The following DIAPH3 variants were observed in gnomAD, a reference collection of about 807,000 sequenced individuals.
DIAPH3 encodes the protein protein diaphanous homolog 3.
A neutral mutation model predicts 144.3 loss-of-function variants in DIAPH3; 117 were observed. That is an observed-to-expected ratio of 0.81 (90% CI 0.70 to 0.95). The LOEUF is 0.95. Among genes scored for constraint, DIAPH3 ranks in the 40% least tolerant of loss-of-function variants. DIAPH3 has a pLI of 0.00. For synonymous variants in DIAPH3, 519 were observed against 488.9 expected (o/e 1.06, Z -0.81); for missense variants, 1,421 against 1,412.7 (o/e 1.01, Z -0.09).
chr13:59,982,072 T>A (rs2051053063), intron 13 of DIAPH3, among the ~76,000 whole-genome samples: 1 of 151,432 alleles, frequency 6.6e-6, no homozygotes, highest in Non-Finnish European at 1.5e-5. Context: ...TTTTCTCCCC[T>A]ATTGCCCACC....
At chr13:60,031,201 A>T (rs535577206) in intron 5 of DIAPH3, among the ~76,000 whole-genome samples, 1 of 152,124 alleles carries the variant, frequency 6.6e-6, no homozygotes, top group Non-Finnish European at 1.5e-5. Context: ...TCACATGGCC[A>T]GAGCCAGAGT....
At chr13:60,004,599 C>T (rs1049870716) in intron 9 of DIAPH3, among the ~76,000 whole-genome samples, 3 of 152,036 alleles carry the variant, frequency 2.0e-5, no homozygotes, top group Non-Finnish European at 4.4e-5. Flanking sequence ...GAATGTAAAA[C>T]AATTCTTTCC....
Position 59,992,846 on chromosome 13 carries a change from G to GA in DIAPH3, c.1015-264dup, listed in dbSNP as rs200815478. On this transcript the variant is annotated intron_variant, in intron 9 of 27. Coordinates refer to ENST00000400324, the MANE Select transcript of DIAPH3 (RefSeq NM_001042517.2). ...GTTACTACTGCTCCATAAAAAAATA[G>GA]AAAAAAAAAAAAAAAAACACTTGTA... is the stretch of plus-strand genomic sequence containing the variant. 0.062 allele frequency among the ~76,000 whole-genome samples: 4,355 copies of GA among 70,016 alleles called. 170 individuals are homozygous for GA. Among genetic ancestry groups the GA allele is most frequent in the African/African-American group, 0.17 (3,529 of 21,138 alleles). 45.9% of individuals were successfully genotyped at this position (70,016 alleles called of 152,430 possible). A position where few individuals can be genotyped will look rare whatever the true frequency, so the allele number is the denominator to read the frequency against.
At chr13:59,944,213 C>CA (rs148198800) in intron 17 of DIAPH3, among the ~76,000 whole-genome samples, 4,314 of 142,608 alleles carry the variant, frequency 0.03, 90 homozygotes, top group South Asian at 0.063. Flanking sequence ...GACACTGTCT[C>CA]AAAAAAAAAA....
rs1407815357 is a variant in DIAPH3 at position 59,700,327 on chromosome 13, G to A, written c.3320-33481C>T. 2.0e-5 allele frequency among the ~76,000 whole-genome samples: 3 copies of A among 152,202 alleles called. No homozygotes were observed. The East Asian group carries it at 5.8e-4, about 29-fold the overall frequency. ...TTCTCTGGTGGGGACTTCCTGTTTGGAGGACTCTGGAATAGAGGGATGAAT... is the reference window on the plus strand; with the variant it reads ...TTCTCTGGTGGGGACTTCCTGTTTGAAGGACTCTGGAATAGAGGGATGAAT... On this transcript the variant is annotated intron_variant, in intron 27 of 27. Coordinates refer to ENST00000400324, the MANE Select transcript of DIAPH3 (RefSeq NM_001042517.2).
intron 4 of DIAPH3, among the ~76,000 whole-genome samples, chr13:60,066,950 G>A (rs894687783): frequency 6.6e-6 from 1 of 152,160 alleles, no homozygotes; most frequent in Non-Finnish European, 1.5e-5. Context: ...GTTTATGGAA[G>A]TATATAATTG....
In DIAPH3 at chr13:59,969,970, T is replaced by G; in HGVS notation, c.2048A>C (p.Glu683Ala). The change falls in exon 17 of 28, where the codon GAG (glutamate) becomes GCG (alanine). Residue 683 changes from glutamate (E) to alanine (A), a missense_variant. Glu to Ala is a moderately radical substitution (Grantham distance 107, BLOSUM62 -1). Transcript: ENST00000400324. ...TTTTTGTTGGCAACAAAATGTATTC[T>G]CAAGTTTACAAAGCAAATCCACGTT... Reference protein sequence around the residue: ...YENVDLLCKLENTFCCQQKER... With the variant: ...YENVDLLCKLANTFCCQQKER... The G allele has an allele frequency of 6.2e-7, 1 of 1,607,374 alleles. No homozygotes were observed. The highest frequency in any genetic ancestry group is 8.5e-7 in the Non-Finnish European group (1 of 1,176,030).
At chr13:59,907,534 A>G (rs78414085) in intron 20 of DIAPH3, among the ~76,000 whole-genome samples, 2,129 of 152,342 alleles carry the variant, frequency 0.014, 66 homozygotes, top group East Asian at 0.1. Context: ...CAATAATATA[A>G]TTAAGCTCTA....
chr13:59,738,868 A>T (rs1241947147), intron 27 of DIAPH3, among the ~76,000 whole-genome samples: 1 of 152,190 alleles, frequency 6.6e-6, no homozygotes, highest in Non-Finnish European at 1.5e-5. Context: ...CTCCTTGTAT[A>T]CTGAGATATT....
At chr13:59,707,271 T>C (rs2034483652) in intron 27 of DIAPH3, among the ~76,000 whole-genome samples, 1 of 152,092 alleles carries the variant, frequency 6.6e-6, no homozygotes, top group South Asian at 2.1e-4. Flanking sequence ...GAAAAGCAAT[T>C]AGAATATGGA....
intron 27 of DIAPH3, among the ~76,000 whole-genome samples, chr13:59,759,405 AAAC>A (rs1005326410): frequency 1.3e-5 from 2 of 152,218 alleles, no homozygotes; most frequent in African/African-American, 4.8e-5. Flanking sequence ...CTGGTTATTA[AAAC>A]AATATGCAGA....
rs368826517 is a variant in DIAPH3, at chr13:59,983,838, G to C, written c.1411C>G (p.His471Asp). 4.3e-6 allele frequency: 7 copies of C among 1,609,952 alleles called. No individual in the cohort carries two copies. The African/African-American group carries it at 9.4e-5, about 22-fold the overall frequency. The change falls in exon 13 of 28, where the codon CAT (histidine) becomes GAT (aspartate). Residue 471 changes from histidine to aspartate, a missense_variant. Physicochemically the swap from His to Asp is moderately conservative, Grantham distance 81. Coordinates refer to ENST00000400324, the MANE Select transcript of DIAPH3 (RefSeq NM_001042517.2). ...AAGTCTGGATCCATTCCATCTCTAT[G>C]CAATACAATCTGGGATACACACTCA... ...IDECVSQIVLHRDGMDPDFTY... is the reference protein window; with the variant it reads ...IDECVSQIVLDRDGMDPDFTY...
rs1436413371 is a variant in DIAPH3 at position 60,162,844 on chromosome 13, C to CAG, written c.180+741_180+742dup. The stretch of plus-strand genomic sequence containing the variant: ...ACACACACACACACACACACACACA[C>CAG]AGTTTTTCCATATTCCTAAGGAAAA... On this transcript the variant is annotated intron_variant, in intron 1 of 27. Transcript: ENST00000400324. 4.0e-5 allele frequency among the ~76,000 whole-genome samples: 6 copies of CAG among 148,954 alleles called. No homozygotes were observed. In the East Asian group the frequency reaches 1.2e-3, roughly 29 times the overall value.
Position 59,880,759 on chromosome 13 carries a change from G to A in DIAPH3, c.2368-1291C>T, listed in dbSNP as rs551176290. Among the ~76,000 whole-genome samples the A allele has an allele frequency of 4.2e-4, 64 of 151,986 alleles. 1 individual carries two copies. Among genetic ancestry groups the A allele is most frequent in the African/African-American group, 2.4e-4 (10 of 41,494 alleles). ...TTCATATAGACCAAAGCCCTATAGT[G>A]AATGAAAAGTTCCATTTTCAAATAA... is the stretch of plus-strand genomic sequence containing the variant. On this transcript the variant is annotated intron_variant, in intron 20 of 27. Transcript: ENST00000400324.
In DIAPH3 at chr13:60,133,299, T is replaced by C. The variant is rs1340197192; in HGVS notation, c.181-310A>G. Among the ~76,000 whole-genome samples, 4 of 152,034 alleles carry C rather than the reference T, an allele frequency of 2.6e-5. No individual in the cohort carries two copies. The East Asian group carries it at 7.7e-4, about 29-fold the overall frequency. On this transcript the variant is annotated intron_variant, in intron 1 of 27. Transcript: ENST00000400324. ...ACAGTATTAATTACCATTAAGTATA[T>C]TAACTTAGAACACAATGTATCTGTC...
chr13:60,039,816 C>G (rs556873333), intron 5 of DIAPH3, among the ~76,000 whole-genome samples: 97 of 152,174 alleles, frequency 6.4e-4, no homozygotes, highest in African/African-American at 2.2e-3. Flanking sequence ...AAAACTGATT[C>G]AAAGAGCAGG....
intron 21 of DIAPH3, among the ~76,000 whole-genome samples, chr13:59,876,855 C>T (rs948810856): frequency 6.6e-5 from 10 of 152,046 alleles, no homozygotes; most frequent in African/African-American, 2.4e-4. Flanking sequence ...CCTATCTTGC[C>T]CCTCACCCTG....
At chr13:59,803,697 T>C (rs1490669043) in intron 25 of DIAPH3, among the ~76,000 whole-genome samples, 2 of 152,234 alleles carry the variant, frequency 1.3e-5, no homozygotes, top group African/African-American at 4.8e-5. Context: ...GTGAGCCTTG[T>C]ATAGCTGCAT....
intron 27 of DIAPH3, among the ~76,000 whole-genome samples, chr13:59,739,524 C>T (rs182535103): frequency 6.6e-6 from 1 of 152,238 alleles, no homozygotes; most frequent in East Asian, 1.9e-4. Context: ...CTGTGGTATT[C>T]AGGTCTACTT....
Sources: gnomAD v4.1 joint callset for allele counts (sites outside exome capture counted in the v4.1 genomes callset) on GRCh38, gnomAD v4.1.1 for gene constraint, MANE v1.5 for transcripts, NCBI Gene and HGNC (gene_info 2026-07-23, HGNC 2026-07-21) for gene names.